The following POLM variants were observed in gnomAD, a reference collection of about 807,000 sequenced individuals.
POLM encodes the protein DNA-directed DNA/RNA polymerase mu.
POLM carries 52 observed loss-of-function variants against 56.7 expected under a neutral mutation model. The observed-to-expected ratio is 0.92, with a 90% CI of 0.73 to 1.15. The LOEUF is 1.15. Among genes scored for constraint, POLM ranks in the 50% most tolerant of loss-of-function variants. The pLI is 0.00. For missense variants in POLM, 660 were observed against 663.6 expected, an observed-to-expected ratio of 0.99 and a Z score of 0.06; for synonymous variants, 273 against 274.3, an observed-to-expected ratio of 1.00 and a Z score of 0.05.
chr7:44,074,080 A>T, intron 8 of POLM, 51 bp downstream of exon 8: 1 of 1,607,862 alleles, frequency 6.2e-7, no homozygotes, highest in Non-Finnish European at 8.5e-7. Context: ...AGAGAGCAGG[A>T]GGCAGTGGCA....
In POLM at chr7:44,078,765, C is replaced by T. The variant is rs748958093; in HGVS notation, c.689G>A (p.Arg230His). ...GVCEEVERVR[R>H]SERYQTMKLF... ...CTTCATGGTCTGGTACCTCTCTGAGCGCCGAACTCTCTCCACCTCCTCACA... is the reference window on the plus strand; with the variant it reads ...CTTCATGGTCTGGTACCTCTCTGAGTGCCGAACTCTCTCCACCTCCTCACA... The change falls in exon 5 of 11, where the codon CGC becomes CAC. Residue 230 changes from arginine to histidine, a missense_variant. Transcript: ENST00000242248. 5.0e-6 allele frequency: 8 copies of T among 1,613,926 alleles called. No individual in the cohort carries two copies. The highest frequency in any genetic ancestry group is 4.4e-5 in the South Asian group (4 of 91,090).
rs370561788 is a variant in POLM, at chr7:44,078,722, G to A, written c.714+18C>T. 3.7e-6 allele frequency: 6 copies of A among 1,608,758 alleles called. No homozygotes were observed. The highest frequency in any genetic ancestry group is 3.3e-4 in the Middle Eastern group (2 of 6,074). ...GGCAGGACATTCCTGGGGTAGGTCC[G>A]AGCCCTGCCCTGCGCACCTTCATGG... On this transcript the variant is annotated intron_variant, in intron 5 of 10. Coordinates refer to ENST00000242248, the MANE Select transcript of POLM (RefSeq NM_013284.4).
chr7:44,075,411 C>T lies in POLM; in HGVS notation c.836-881G>A, dbSNP rs149535054. Among the ~76,000 whole-genome samples, 12 of 152,314 alleles carry T rather than the reference C, an allele frequency of 7.9e-5. No homozygotes were observed. The South Asian group carries it at 8.3e-4, about 11-fold the overall frequency. On this transcript the variant is annotated intron_variant, in intron 6 of 10. Transcript: ENST00000242248. The stretch of plus-strand genomic sequence containing the variant: ...CCTGGCACAGTGAGCTCTCAGTAAA[C>T]GCTGCTAACCATTCCTGACTACTCT...
Position 44,073,030 on chromosome 7 carries a change from G to T in POLM, c.*261C>A. The T allele has an allele frequency of 7.7e-7, 1 of 1,305,128 alleles. No homozygotes were observed. The highest frequency in any genetic ancestry group is 1.6e-5 in the South Asian group (1 of 62,008). The allele number at this position is 1,305,128 out of a possible 1,614,324, so 80.8% of individuals were successfully genotyped here. ...CACATCCCATCCAGGGCAGGAACGT[G>T]AGCCATGGGGAGGCTAAGAGCAGAC... On this transcript the variant is annotated 3_prime_UTR_variant, in exon 11 of 11. Transcript: ENST00000242248.
At chr7:44,079,528 T>TGCCCCCCC in intron 4 of POLM, 43 bp downstream of exon 4, 1 of 1,506,362 alleles carries the variant, frequency 6.6e-7, no homozygotes. Context: ...CCCCAAGGCC[T>TGCCCCCCC]CCCCACCCAC....
chr7:44,074,538 C>T lies in POLM; in HGVS notation c.836-8G>A. 1 of 1,549,930 alleles carries T rather than the reference C, an allele frequency of 6.5e-7. No homozygotes were observed. The highest frequency in any genetic ancestry group is 2.3e-5 in the East Asian group (1 of 43,408). On this transcript the variant is annotated splice_region_variant and splice_polypyrimidine_tract_variant and intron_variant, in intron 6 of 10. Coordinates refer to ENST00000242248, the MANE Select transcript of POLM (RefSeq NM_013284.4). Reference sequence around the variant, plus strand: ...CCTGGTGGTGCTGGAGCCCTGGGGGCAACACCGGCCCTCCTGACTCACCCA... The same window carrying T: ...CCTGGTGGTGCTGGAGCCCTGGGGGTAACACCGGCCCTCCTGACTCACCCA...
At chr7:44,080,708 C>T in intron 2 of POLM, 25 bp downstream of exon 2, 2 of 1,610,820 alleles carry the variant, frequency 1.2e-6, no homozygotes, top group South Asian at 1.1e-5. Context: ...CTGTAGCCCC[C>T]ACTTTAGTCT....
Position 44,073,973 on chromosome 7 carries a change from C to A in POLM, c.1124G>T (p.Arg375Leu). 6.2e-7 allele frequency: 1 copy of A among 1,614,140 alleles called. No homozygotes were observed. Among genetic ancestry groups the A allele is most frequent in the Non-Finnish European group, 8.5e-7 (1 of 1,180,002 alleles). Residue 375 changes from arginine to leucine, a missense_variant, in exon 9 of 11, where the codon CGC (arginine) becomes CTC (leucine). Coordinates refer to ENST00000242248, the MANE Select transcript of POLM (RefSeq NM_013284.4). ...HQHSCCESPT[R>L]LAQQSHMDAF... ...GTCCATGTGGCTCTGTTGGGCCAGG[C>A]GGGTAGGGGACTCACAGCAGCTGTG...
chr7:44,073,088 G>A lies in POLM; in HGVS notation c.*203C>T. 6.9e-7 allele frequency: 1 copy of A among 1,455,058 alleles called. No individual in the cohort carries two copies. The highest frequency in any genetic ancestry group is 2.5e-5 in the East Asian group (1 of 40,236). The allele number at this position is 1,455,058 out of a possible 1,614,324, so 90.1% of individuals were successfully genotyped here. A position where few individuals can be genotyped will look rare whatever the true frequency, so the allele number is the denominator to read the frequency against. On this transcript the variant is annotated 3_prime_UTR_variant, in exon 11 of 11. Coordinates refer to ENST00000242248, the MANE Select transcript of POLM (RefSeq NM_013284.4). ...CACACAGTGATGAGGCTGGCACTGA[G>A]GGCTCCCACCTCATCACACCCTGCA...
Position 44,074,401 on chromosome 7 carries a change from C to T in POLM, c.965G>A (p.Arg322His), listed in dbSNP as rs768314722. Reference protein sequence around the residue: ...GATVTLTGGFRRGKLQGHDVD... With the variant: ...GATVTLTGGFHRGKLQGHDVD... ...GGGGCACGTCGGGCCTTCTTACCTG[C>T]GGAAGCCGCCGGTCAGCGTGACGGT... The change falls in exon 7 of 11, where the codon CGC becomes CAC. Residue 322 changes from arginine to histidine, a missense_variant. Coordinates refer to ENST00000242248, the MANE Select transcript of POLM (RefSeq NM_013284.4). The T allele has an allele frequency of 5.5e-5, 85 of 1,554,924 alleles. 1 individual carries two copies. Among genetic ancestry groups the T allele is most frequent in the East Asian group, 4.1e-4 (17 of 41,422 alleles).
Position 44,082,227 on chromosome 7 carries a change from T to TCGCCG in POLM, c.188+19_188+23dup, listed in dbSNP as rs533717001. ...AAAACCAGAAGTGCCATGGAAGCCC[T>TCGCCG]CGCCGCGCCGCGCCGCCCCGCACCT... On this transcript the variant is annotated intron_variant, in intron 1 of 10. Coordinates refer to ENST00000242248, the MANE Select transcript of POLM (RefSeq NM_013284.4). The TCGCCG allele has an allele frequency of 2.1e-4, 302 of 1,426,576 alleles. No homozygotes were observed. In the African/African-American group the frequency reaches 2.5e-3, roughly 12 times the overall value. 88.4% of individuals were successfully genotyped at this position (1,426,576 alleles called of 1,614,324 possible).
At chr7:44,081,454 T>C (rs910576707) in intron 1 of POLM, among the ~76,000 whole-genome samples, 2 of 152,214 alleles carry the variant, frequency 1.3e-5, no homozygotes, top group African/African-American at 4.8e-5. Flanking sequence ...GCACTACTGA[T>C]CCCTGGTAAT....
In POLM at chr7:44,079,847, T is replaced by C. The variant is rs562426676; in HGVS notation, c.471+14A>G. 1.9e-4 allele frequency: 305 copies of C among 1,613,818 alleles called. No homozygotes were observed. The highest frequency in any genetic ancestry group is 2.3e-4 in the Non-Finnish European group (272 of 1,179,712). On this transcript the variant is annotated intron_variant, in intron 3 of 10. Coordinates refer to ENST00000242248, the MANE Select transcript of POLM (RefSeq NM_013284.4). ...AACCCCCAGGGCTGGCCAAGGCTCA[T>C]AGAAGCGGCTTACGGAGAGGCCAGT... is the stretch of plus-strand genomic sequence containing the variant.
In POLM at chr7:44,082,400, A is replaced by G. The variant is rs936913030; in HGVS notation, c.39T>C (p.Pro13=). 6 of 1,497,584 alleles carry G rather than the reference A, an allele frequency of 4.0e-6. No homozygotes were observed. In the African/African-American group the frequency reaches 5.9e-5, roughly 15 times the overall value. The allele number at this position is 1,497,584 out of a possible 1,614,324, so 92.8% of individuals were successfully genotyped here. A position where few individuals can be genotyped will look rare whatever the true frequency, so the allele number is the denominator to read the frequency against. Residue 13 remains proline (P), a synonymous_variant, in exon 1 of 11, where the codon CCT becomes CCC. Coordinates refer to ENST00000242248, the MANE Select transcript of POLM (RefSeq NM_013284.4). The stretch of plus-strand genomic sequence containing the variant: ...GCGTGGAGGAAGCGGCATCGCCGCT[A>G]GGGGACCCGACCCGCGCTCGCCGCC... ...PKRRRARVGS[P]SGDAASSTPP...
intron 5 of POLM, 70 bp from the exon 6 acceptor site, chr7:44,076,699 G>A (rs2096184584): frequency 1.3e-6 from 2 of 1,586,220 alleles, no homozygotes; most frequent in East Asian, 2.2e-5. Context: ...ACCCGCTCCG[G>A]GACGGTGTGG....
At position 44,073,123 on chromosome 7, in the gene POLM, C is replaced by A; in HGVS notation, c.*168G>T. The A allele has an allele frequency of 6.7e-7, 1 of 1,490,774 alleles. No homozygotes were observed. The highest frequency in any genetic ancestry group is 1.4e-5 in the African/African-American group (1 of 71,846). 92.3% of individuals were successfully genotyped at this position (1,490,774 alleles called of 1,614,324 possible). On this transcript the variant is annotated 3_prime_UTR_variant, in exon 11 of 11. Transcript: ENST00000242248. The stretch of plus-strand genomic sequence containing the variant: ...CTCATCACACCCTGCAGCACACCAG[C>A]AGGGGCTCAACTGATCCTGCAGGCA...
At chr7:44,074,563 A>G (rs1220408214) in intron 6 of POLM, 33 bp from the exon 7 acceptor site, 2 of 1,518,600 alleles carry the variant, frequency 1.3e-6, no homozygotes, top group Non-Finnish European at 1.8e-6. Flanking sequence ...TGACTCACCC[A>G]GCCTGCCCAC....
At position 44,079,746 on chromosome 7, in the gene POLM, A is replaced by G; in HGVS notation, c.472-5T>C. On this transcript the variant is annotated splice_polypyrimidine_tract_variant and splice_region_variant and intron_variant, in intron 3 of 10. Coordinates refer to ENST00000242248, the MANE Select transcript of POLM (RefSeq NM_013284.4). ...GGCCAGTATCTCCAGAGCCTCCTGC[A>G]GGGAGGGGCCCTAGGTAAGGGGCAG... The G allele has an allele frequency of 6.2e-7, 1 of 1,609,226 alleles. No individual in the cohort carries two copies.
intron 4 of POLM, 129 bp downstream of exon 4, chr7:44,079,442 G>A (rs1271960773): frequency 1.1e-5 from 9 of 809,320 alleles, no homozygotes; most frequent in Non-Finnish European, 1.6e-5. Context: ...GGCTTGTTGA[G>A]GCCTTGGAGC....
Sources: allele counts gnomAD v4.1 joint callset (sites outside exome capture counted in the v4.1 genomes callset), GRCh38; gene constraint gnomAD v4.1.1; transcripts MANE v1.5; gene names NCBI Gene and HGNC (gene_info 2026-07-23, HGNC 2026-07-21).